Variants in RIF1 observed in about 807,000 individuals in gnomAD.
RIF1 encodes telomere-associated protein RIF1.
Under a neutral mutation model 247.1 loss-of-function variants are expected in RIF1, and 45 were observed. The observed-to-expected ratio is 0.18, with a 90% CI of 0.14 to 0.23. The LOEUF (loss-of-function observed/expected upper bound fraction) is 0.23, where lower values mean the gene tolerates loss of function less well. RIF1 is among the 10% of genes least tolerant of loss of function. RIF1 has a pLI of 1.00. For missense variants in RIF1, 2,967 were observed against 2,862.5 expected, an observed-to-expected ratio of 1.04 and a Z score of -0.83; for synonymous variants, 1,087 against 978.8, an observed-to-expected ratio of 1.11 and a Z score of -2.06.
At position 151,465,174 on chromosome 2, in the gene RIF1, A is replaced by C; in HGVS notation, c.5654A>C (p.Glu1885Ala). 1 of 1,613,676 alleles carries C rather than the reference A, an allele frequency of 6.2e-7. No homozygotes were observed. Among genetic ancestry groups the C allele is most frequent in the Non-Finnish European group, 8.5e-7 (1 of 1,179,932 alleles). ...ESLETKEEKP[E>A]ETPKMELSLE... ...TTGGAGACAAAAGAAGAAAAACCAG[A>C]AGAAACCCCAAAAATGGAACTGAGT... is the stretch of plus-strand genomic sequence containing the variant. Residue 1885 changes from glutamate (E) to alanine (A), a missense_variant, in exon 30 of 36, where the codon GAA becomes GCA. Around this residue, in one of 7 missense-constraint regions of RIF1, gnomAD observed 2,028 missense variants for 1,825.6 expected, o/e 1.11. Transcript: ENST00000444746.
chr2:151,528,198 A>T, the RIF1 span, among the ~76,000 whole-genome samples: 3 of 152,146 alleles, frequency 2.0e-5, no homozygotes, highest in East Asian at 3.9e-4. Flanking sequence ...GGGCTGGAGA[A>T]CTGGCTGCAT....
intron 9 of RIF1, chr2:151,489,890 G>GT: frequency 9.4e-7 from 1 of 1,067,048 alleles, no homozygotes; most frequent in Non-Finnish European, 1.4e-6. Flanking sequence ...AAAAAAAACC[G>GT]TAATACCTAA....
intron 6 of RIF1, 76 bp from the exon 7 acceptor site, chr2:151,420,114 G>C: frequency 7.9e-7 from 1 of 1,271,488 alleles, no homozygotes; most frequent in Non-Finnish European, 1.1e-6. Flanking sequence ...GTATATTTCT[G>C]TTTCACCTAT....
chr2:151,432,059 A>G (rs1300863111), intron 9 of RIF1, among the ~76,000 whole-genome samples: 1 of 152,066 alleles, frequency 6.6e-6, no homozygotes, highest in Non-Finnish European at 1.5e-5. Context: ...CCCAGCCTGG[A>G]GTGCAGTGGT....
At chr2:151,500,610 T>TA (rs1336902911) in intron 11 of RIF1, among the ~76,000 whole-genome samples, 1 of 149,878 alleles carries the variant, frequency 6.7e-6, no homozygotes, top group East Asian at 1.9e-4. Flanking sequence ...TTTTTTTTTT[T>TA]TTTGAAACAG....
In RIF1 at chr2:151,468,342, A is replaced by G. The variant is rs909813382; in HGVS notation, c.6748-132A>G. 4.8e-6 allele frequency: 4 copies of G among 837,838 alleles called. No individual in the cohort carries two copies. In the African/African-American group the frequency reaches 5.1e-5, roughly 11 times the overall value. 51.9% of individuals were successfully genotyped at this position (837,838 alleles called of 1,614,324 possible). On this transcript the variant is annotated intron_variant, in intron 31 of 35. Transcript: ENST00000444746. ...GCAGTAATGATCCAGCAAGTAATTG[A>G]TTAGGTAGTAGATTACTCTTTTTAT...
Position 151,463,763 on chromosome 2 carries a change from A to G in RIF1, c.4243A>G (p.Arg1415Gly). ...VQITPNQKTL[R>G]RSSRRRSEVV... is the part of the protein sequence containing the mutation. ...GATAACTCCAAATCAGAAAACCCTT[A>G]GACGGTCTTCAAGGCGACGTTCAGA... Residue 1415 changes from arginine to glycine, a missense_variant, in exon 30 of 36, where the codon AGA becomes GGA. Arg to Gly is a moderately radical substitution (Grantham distance 125). Transcript: ENST00000444746. 1 of 1,614,000 alleles carries G rather than the reference A, an allele frequency of 6.2e-7. No homozygotes were observed. Among genetic ancestry groups the G allele is most frequent in the Non-Finnish European group, 8.5e-7 (1 of 1,179,988 alleles).
chr2:151,450,011 T>C (rs938068512), intron 20 of RIF1, among the ~76,000 whole-genome samples: 2 of 152,098 alleles, frequency 1.3e-5, no homozygotes, highest in African/African-American at 4.8e-5. Context: ...CTGGCTAATT[T>C]TGTATTTTTA....
rs2048973658 is a variant in RIF1, at chr2:151,477,237, TA to T, written c.*2168del. 1 of 152,202 alleles carries T rather than the reference TA, an allele frequency of 6.6e-6. No individual in the cohort carries two copies. The highest frequency in any genetic ancestry group is 6.5e-5 in the Admixed American group (1 of 15,278). 9.4% of individuals were successfully genotyped at this position (152,202 alleles called of 1,614,324 possible). A position where few individuals can be genotyped will look rare whatever the true frequency, so the allele number is the denominator to read the frequency against. ...TAGTAATTCCCGAATAGCAAAACAT[TA>T]ATATTCCATGATTAGCTCTACTGTG... On this transcript the variant is annotated 3_prime_UTR_variant, in exon 36 of 36. Transcript: ENST00000444746.
At chr2:151,469,634 T>C (rs1351493721) in intron 33 of RIF1, 77 bp from the exon 34 acceptor site, 3 of 1,092,336 alleles carry the variant, frequency 2.7e-6, no homozygotes, top group Non-Finnish European at 3.7e-6. Flanking sequence ...AATGGGGAAA[T>C]TGAACTGGAT....
At chr2:151,415,443 G>C (rs148789065) in intron 4 of RIF1, among the ~76,000 whole-genome samples, 225 of 149,506 alleles carry the variant, frequency 1.5e-3, no homozygotes, top group African/African-American at 5.4e-3. Context: ...TTTGACAAAA[G>C]ATTAGCCGGG....
At chr2:151,495,800 T>C (rs566679460) in intron 10 of RIF1, among the ~76,000 whole-genome samples, 13 of 152,300 alleles carry the variant, frequency 8.5e-5, no homozygotes, top group Non-Finnish European at 1.3e-4. Flanking sequence ...TTTATATCAT[T>C]ATTCTTGAAG....
At position 151,465,484 on chromosome 2, in the gene RIF1, T is replaced by G. The variant is rs766428376; in HGVS notation, c.5964T>G (p.Thr1988=). 1 of 1,614,002 alleles carries G rather than the reference T, an allele frequency of 6.2e-7. No homozygotes were observed. The highest frequency in any genetic ancestry group is 1.7e-5 in the Admixed American group (1 of 60,018). Reference sequence around the variant, plus strand: ...CACCTGTAAAATTGAATGCTCAAACTGAGATTTCTGAACAAACAGCAGCTG... The same window carrying G: ...CACCTGTAAAATTGAATGCTCAAACGGAGATTTCTGAACAAACAGCAGCTG... ...NTTPVKLNAQ[T]EISEQTAAGE... is the part of the protein sequence containing the mutation. Residue 1988 remains threonine (T), a synonymous_variant, in exon 30 of 36, where the codon ACT becomes ACG. Transcript: ENST00000444746.
intron 7 of RIF1, among the ~76,000 whole-genome samples, chr2:151,422,584 C>T (rs533350407): frequency 1.3e-5 from 2 of 151,910 alleles, no homozygotes; most frequent in Non-Finnish European, 2.9e-5. Context: ...TCTGCAACCT[C>T]CACCTCCCAG....
chr2:151,454,950 G>T lies in RIF1; in HGVS notation c.2400G>T (p.Leu800Phe). The change falls in exon 22 of 36, where the codon TTG becomes TTT. Residue 800 changes from leucine to phenylalanine, a missense_variant. Coordinates refer to ENST00000444746, the MANE Select transcript of RIF1 (RefSeq NM_018151.5). ...AGAAGAATGAGCCCCTAGGGAAATT[G>T]ACTTCTTTATTTAAACTTATTGTGA... ...SKKKNEPLGK[L>F]TSLFKLIVKV... 6.2e-7 allele frequency: 1 copy of T among 1,612,790 alleles called. No individual in the cohort carries two copies. The highest frequency in any genetic ancestry group is 8.5e-7 in the Non-Finnish European group (1 of 1,179,302).
In RIF1 at chr2:151,410,439, C is replaced by T; in HGVS notation, c.16C>T (p.Gln6Ter). 1 of 1,613,868 alleles carries T rather than the reference C, an allele frequency of 6.2e-7. No individual in the cohort carries two copies. The highest frequency in any genetic ancestry group is 8.5e-7 in the Non-Finnish European group (1 of 1,179,944). The change falls in exon 2 of 36, where the codon CAG becomes TAG. Residue 6 changes from glutamine to a stop codon, truncating the protein, a stop_gained. Transcript: ENST00000444746. LOFTEE classifies it high-confidence loss of function. ...GGTGGCCGACATGACGGCCAGGGGT[C>T]AGAGCCCCCTCGCGCCGCTGTTGGA... MTARG[Q>*]SPLAPLLETL...
Position 151,479,259 on chromosome 2 carries a change from A to G in RIF1, c.*4188A>G, listed in dbSNP as rs1017190101. ...TTTGAAGGCTTAAAGTTCAAAAATTATAAGAAAGTTAAGAATTTTGCTTAA... is the reference window on the plus strand; with the variant it reads ...TTTGAAGGCTTAAAGTTCAAAAATTGTAAGAAAGTTAAGAATTTTGCTTAA... On this transcript the variant is annotated 3_prime_UTR_variant, in exon 36 of 36. Coordinates refer to ENST00000444746, the MANE Select transcript of RIF1 (RefSeq NM_018151.5). The G allele has an allele frequency of 3.3e-5, 5 of 152,242 alleles. No homozygotes were observed. The highest frequency in any genetic ancestry group is 5.9e-5 in the Non-Finnish European group (4 of 68,046). The allele number at this position is 152,242 out of a possible 1,614,324, so 9.4% of individuals were successfully genotyped here.
chr2:151,437,738 C>T (rs1558967452), intron 13 of RIF1, among the ~76,000 whole-genome samples: 1 of 152,110 alleles, frequency 6.6e-6, no homozygotes, highest in Non-Finnish European at 1.5e-5. Flanking sequence ...TATAGTGCCA[C>T]CTACTGGCCA....
intron 9 of RIF1, chr2:151,493,511 A>G: frequency 9.4e-7 from 1 of 1,063,668 alleles, no homozygotes; most frequent in African/African-American, 1.6e-5. Flanking sequence ...ATCATCACTT[A>G]GCTGGTGTTA....
Sources: gnomAD v4.1 joint callset for allele counts (sites outside exome capture counted in the v4.1 genomes callset) on GRCh38, gnomAD v4.1.1 for gene constraint, gnomAD v4.1.1 regional missense constraint, MANE v1.5 for transcripts, NCBI Gene and HGNC (gene_info 2026-07-23, HGNC 2026-07-21) for gene names.